Variants in VAV3 observed in about 807,000 individuals in gnomAD.
VAV3 encodes the protein vav guanine nucleotide exchange factor 3.
In VAV3, 94 loss-of-function variants were observed where a neutral mutation model predicts 131.2. That is an observed-to-expected ratio of 0.72 (90% CI 0.61 to 0.85). The LOEUF is 0.85. Among genes scored for constraint, VAV3 ranks in the 40% least tolerant of loss-of-function variants. VAV3 has a pLI of 0.00. For missense variants in VAV3, 939 were observed against 1,002.7 expected (o/e 0.94, Z 0.86); for synonymous variants, 349 against 342.0 (o/e 1.02, Z -0.22).
chr1:107,677,413 A>C (rs1181150813), intron 19 of VAV3, among the ~76,000 whole-genome samples: 1 of 152,214 alleles, frequency 6.6e-6, no homozygotes, highest in Non-Finnish European at 1.5e-5. Context: ...TTGCTGGCCC[A>C]TAAGAAATTA....
At chr1:107,711,882 C>A (rs1660804277) in intron 15 of VAV3, among the ~76,000 whole-genome samples, 1 of 152,048 alleles carries the variant, frequency 6.6e-6, no homozygotes, top group Admixed American at 6.6e-5. Flanking sequence ...GACGGGGTTT[C>A]ACCATATTGG....
chr1:107,684,245 A>G (rs1208880083), intron 18 of VAV3, among the ~76,000 whole-genome samples: 1 of 152,276 alleles, frequency 6.6e-6, no homozygotes, highest in African/African-American at 2.4e-5. Context: ...CATTAAACTC[A>G]TTCCCACCTA....
intron 2 of VAV3, among the ~76,000 whole-genome samples, chr1:107,819,296 A>G (rs761243448): frequency 2.0e-5 from 3 of 152,190 alleles, no homozygotes; most frequent in Non-Finnish European, 2.9e-5. Context: ...AGAAACAATC[A>G]TGGGTCAAAA....
chr1:107,688,349 G>A, intron 18 of VAV3, 32 bp downstream of exon 18: 1 of 1,607,472 alleles, frequency 6.2e-7, no homozygotes, highest in Non-Finnish European at 8.5e-7. Context: ...AAATGCAAAG[G>A]TTATAAAAAA....
intron 20 of VAV3, among the ~76,000 whole-genome samples, chr1:107,642,407 A>C (rs1655409040): frequency 1.3e-5 from 2 of 152,200 alleles, no homozygotes; most frequent in Admixed American, 6.5e-5. Context: ...CCCCTTGTTT[A>C]ATATTTCATC....
In VAV3 at chr1:107,910,166, C is replaced by G. The variant is rs139176082; in HGVS notation, c.205-35149G>C. On this transcript the variant is annotated intron_variant, in intron 1 of 26. Transcript: ENST00000370056. ...CTGAATGCCCAAGATTACACAGCTA[C>G]TAAGAGATATCAGTGGAATTTGTAT... 9.9e-5 allele frequency among the ~76,000 whole-genome samples: 15 copies of G among 152,282 alleles called. 1 individual carries two copies. In the East Asian group the frequency reaches 1.3e-3, roughly 14 times the overall value.
At chr1:107,647,557 G>A (rs1159159592) in intron 19 of VAV3, among the ~76,000 whole-genome samples, 4 of 151,908 alleles carry the variant, frequency 2.6e-5, no homozygotes, top group African/African-American at 7.3e-5. Context: ...CATCCAGAGG[G>A]AACTTTAAAA....
intron 19 of VAV3, among the ~76,000 whole-genome samples, chr1:107,660,558 A>G (rs1208558085): frequency 1.3e-5 from 2 of 152,014 alleles, no homozygotes; most frequent in African/African-American, 4.8e-5. Context: ...CTTTACACCC[A>G]TTTTCCCTTT....
At chr1:107,668,035 TG>T (rs1657532569) in intron 19 of VAV3, among the ~76,000 whole-genome samples, 1 of 152,188 alleles carries the variant, frequency 6.6e-6, no homozygotes, top group Non-Finnish European at 1.5e-5. Flanking sequence ...GACAGTCATA[TG>T]ATAGCAACCC....
At chr1:107,772,150 A>G (rs1665085110) in intron 5 of VAV3, among the ~76,000 whole-genome samples, 1 of 152,226 alleles carries the variant, frequency 6.6e-6, no homozygotes, top group Admixed American at 6.5e-5. Flanking sequence ...GTAAATGAGA[A>G]AATAATCCAA....
At chr1:107,728,940 T>C (rs1250319704) in intron 15 of VAV3, among the ~76,000 whole-genome samples, 1 of 152,174 alleles carries the variant, frequency 6.6e-6, no homozygotes, top group Admixed American at 6.5e-5. Flanking sequence ...GAAAATCCAT[T>C]AGGTTGCTCT....
chr1:107,578,336 C>A (rs1038837096), intron 25 of VAV3, among the ~76,000 whole-genome samples: 23 of 152,318 alleles, frequency 1.5e-4, no homozygotes, highest in Admixed American at 1.5e-3. Flanking sequence ...TATACTGATA[C>A]ATGCCATTAC....
intron 2 of VAV3, among the ~76,000 whole-genome samples, chr1:107,871,000 A>G (rs1422003318): frequency 2.2e-4 from 33 of 152,196 alleles, no homozygotes; most frequent in African/African-American, 2.4e-5. Context: ...GTGCTTCTGC[A>G]CTGTCAATGT....
intron 2 of VAV3, among the ~76,000 whole-genome samples, chr1:107,866,240 C>T (rs1669980253): frequency 6.6e-6 from 1 of 152,246 alleles, no homozygotes; most frequent in African/African-American, 2.4e-5. Context: ...AAATTTGCCT[C>T]GGTCTCTTTT....
chr1:107,770,840 A>T, intron 5 of VAV3, 112 bp from the exon 6 acceptor site: 1 of 796,728 alleles, frequency 1.3e-6, no homozygotes, highest in East Asian at 2.7e-5. Context: ...TTCTAATACA[A>T]CACATAATTG....
At chr1:107,919,757 A>G (rs748449956) in intron 1 of VAV3, among the ~76,000 whole-genome samples, 2 of 152,204 alleles carry the variant, frequency 1.3e-5, no homozygotes, top group African/African-American at 4.8e-5. Context: ...ATGTAAAAAC[A>G]ATTTCTTAAC....
intron 25 of VAV3, chr1:107,576,519 G>C (rs1344906720): frequency 6.9e-7 from 1 of 1,452,372 alleles, no homozygotes; most frequent in Admixed American, 2.7e-5. Flanking sequence ...GAGCATTTAG[G>C]TATTGGCAAA....
At position 107,910,388 on chromosome 1, in the gene VAV3, C is replaced by T. The variant is rs139910788; in HGVS notation, c.205-35371G>A. On this transcript the variant is annotated intron_variant, in intron 1 of 26. Transcript: ENST00000370056. ...CATACTTTTCACTCCAAGAAGGAAG[C>T]TTTCAGACGATTCTTCAGAATTTAG... Among the ~76,000 whole-genome samples the T allele has an allele frequency of 2.4e-3, 361 of 152,320 alleles. 1 individual carries two copies. The highest frequency in any genetic ancestry group is 8.2e-3 in the African/African-American group (339 of 41,580).
chr1:107,901,872 G>A (rs779262376), intron 1 of VAV3, among the ~76,000 whole-genome samples: 7 of 151,812 alleles, frequency 4.6e-5, no homozygotes, highest in Non-Finnish European at 1.0e-4. Context: ...GTGAAACCCC[G>A]TCTCTACTAA....
Sources: gnomAD v4.1 joint callset for allele counts (sites outside exome capture counted in the v4.1 genomes callset) on GRCh38, gnomAD v4.1.1 for gene constraint, MANE v1.5 for transcripts, NCBI Gene and HGNC (gene_info 2026-07-23, HGNC 2026-07-21) for gene names.